Variants in TRIM16 observed in about 807,000 individuals in gnomAD.
TRIM16 encodes the protein tripartite motif-containing protein 16.
A neutral mutation model predicts 50.4 loss-of-function variants in TRIM16; 33 were observed. The observed-to-expected ratio is 0.65, with a 90% CI of 0.50 to 0.88. The LOEUF (loss-of-function observed/expected upper bound fraction) is 0.88, where lower values mean the gene tolerates loss of function less well. TRIM16 is among the 40% of genes least tolerant of loss of function. TRIM16 has a pLI of 0.00. For missense variants in TRIM16, 581 were observed against 686.8 expected, an observed-to-expected ratio of 0.85 and a Z score of 1.72; for synonymous variants, 229 against 270.7, an observed-to-expected ratio of 0.85 and a Z score of 1.51.
rs1292545200 is a variant in TRIM16, at chr17:15,634,989, A to G, written c.849+1047T>C. 2.0e-5 allele frequency among the ~76,000 whole-genome samples: 3 copies of G among 149,264 alleles called. 1 individual carries two copies. The highest frequency in any genetic ancestry group is 4.5e-5 in the Non-Finnish European group (3 of 67,212). ...TACTGAAAAGCAAAGAAACTGACAG[A>G]CGCTTTGTTGGTGTTTTTGTCTGTC... is the stretch of plus-strand genomic sequence containing the variant. On this transcript the variant is annotated intron_variant, in intron 9 of 11. Coordinates refer to ENST00000649191, the MANE Select transcript of TRIM16 (RefSeq NM_001348119.1).
chr17:15,662,589 C>T (rs535428201), intron 6 of TRIM16, among the ~76,000 whole-genome samples: 6 of 152,302 alleles, frequency 3.9e-5, no homozygotes, highest in Admixed American at 6.5e-5. Flanking sequence ...TAGCACAAAG[C>T]TATTATTTTC....
At chr17:15,650,926 C>T (rs1258772115) in intron 7 of TRIM16, among the ~76,000 whole-genome samples, 165 bp downstream of exon 7, 1 of 152,160 alleles carries the variant, frequency 6.6e-6, no homozygotes, top group East Asian at 1.9e-4. Context: ...AAACCAAGTG[C>T]AATGTATATT....
chr17:15,643,844 AGT>A (rs1987227203), intron 7 of TRIM16, among the ~76,000 whole-genome samples: 1 of 152,234 alleles, frequency 6.6e-6, no homozygotes, highest in Non-Finnish European at 1.5e-5. Flanking sequence ...CCAAGTGGGA[AGT>A]CTACATTTTT....
rs777247496 is a variant in TRIM16, at chr17:15,677,620, A to G, written c.-488T>C. 11 of 1,052,092 alleles carry G rather than the reference A, an allele frequency of 1.0e-5. No individual in the cohort carries two copies. Among genetic ancestry groups the G allele is most frequent in the Non-Finnish European group, 9.3e-6 (8 of 862,806 alleles). The allele number at this position is 1,052,092 out of a possible 1,614,324, so 65.2% of individuals were successfully genotyped here. ...TAGTTCTCCAGCATTACATCCCTGT[A>G]CAAGACTCTCTGAGCAAGGTCCAGT... On this transcript the variant is annotated 5_prime_UTR_variant, in exon 5 of 12. Coordinates refer to ENST00000649191, the MANE Select transcript of TRIM16 (RefSeq NM_001348119.1).
At chr17:15,644,211 A>C (rs1376853994) in intron 7 of TRIM16, among the ~76,000 whole-genome samples, 2 of 152,066 alleles carry the variant, frequency 1.3e-5, no homozygotes, top group African/African-American at 4.8e-5. Context: ...TTTGAGATGG[A>C]GTCTCGCTCT....
At chr17:15,659,530 C>G (rs372116579) in intron 6 of TRIM16, among the ~76,000 whole-genome samples, 41 of 152,318 alleles carry the variant, frequency 2.7e-4, no homozygotes, top group African/African-American at 8.7e-4. Context: ...TTGAACTATG[C>G]TTTGTTGAAT....
At chr17:15,631,379 CTGAG>C (rs1260627237) in intron 11 of TRIM16, among the ~76,000 whole-genome samples, 4 of 152,130 alleles carry the variant, frequency 2.6e-5, no homozygotes, top group Non-Finnish European at 5.9e-5. Flanking sequence ...TTAGGAGAAA[CTGAG>C]TGAAAGATAT....
In TRIM16 at chr17:15,651,556, C is replaced by T; in HGVS notation, c.54G>A (p.Gln18=). ...AGTCTGGGCTGAGAGGGGCTGGGGG[C>T]TGAGCAGTGGCCCTGGGCAGTGGCC... ...APGPLPRATA[Q]PPAPLSPDSG... is the part of the protein sequence containing the mutation. Residue 18 remains glutamine, a synonymous_variant, in exon 7 of 12, where the codon CAG becomes CAA. Transcript: ENST00000649191. 10 of 1,613,994 alleles carry T rather than the reference C, an allele frequency of 6.2e-6. No homozygotes were observed. The highest frequency in any genetic ancestry group is 7.6e-6 in the Non-Finnish European group (9 of 1,179,922).
At position 15,632,177 on chromosome 17, in the gene TRIM16, T is replaced by A. The variant is rs542407720; in HGVS notation, c.1015+332A>T. 7 of 261,316 alleles carry A rather than the reference T, an allele frequency of 2.7e-5. No homozygotes were observed. In the South Asian group the frequency reaches 3.3e-4, roughly 12 times the overall value. The allele number at this position is 261,316 out of a possible 1,614,324, so 16.2% of individuals were successfully genotyped here. ...GCTGAGGTGGGCAGATCATTTGAGG[T>A]CAGGAGTTCGAGACCAGCCTGACCA... is the stretch of plus-strand genomic sequence containing the variant. On this transcript the variant is annotated intron_variant, in intron 10 of 11. Coordinates refer to ENST00000649191, the MANE Select transcript of TRIM16 (RefSeq NM_001348119.1).
intron 6 of TRIM16, among the ~76,000 whole-genome samples, chr17:15,669,368 AT>A (rs1271404571): frequency 2.0e-5 from 3 of 152,066 alleles, no homozygotes; most frequent in Admixed American, 2.0e-4. Flanking sequence ...ATTTAAAAAA[AT>A]GAGATACCTC....
At chr17:15,645,270 A>G (rs1049065515) in intron 7 of TRIM16, among the ~76,000 whole-genome samples, 14 of 152,186 alleles carry the variant, frequency 9.2e-5, no homozygotes, top group Non-Finnish European at 1.5e-5. Context: ...GACATTATTA[A>G]TGAGCTCCAT....
chr17:15,642,241 T>C (rs1280983215), intron 8 of TRIM16, among the ~76,000 whole-genome samples: 1 of 149,198 alleles, frequency 6.7e-6, no homozygotes, highest in Non-Finnish European at 1.5e-5. Flanking sequence ...ATTTACTGCC[T>C]ACTTAGCCTG....
chr17:15,682,251 G>C (rs1469707057), intron 3 of TRIM16, among the ~76,000 whole-genome samples: 2 of 151,842 alleles, frequency 1.3e-5, no homozygotes, highest in Non-Finnish European at 2.9e-5. Context: ...GTTTTACGAG[G>C]AAAAAAAGGT....
At chr17:15,656,229 CCA>C (rs1987974405) in intron 6 of TRIM16, among the ~76,000 whole-genome samples, 1 of 152,066 alleles carries the variant, frequency 6.6e-6, no homozygotes, top group Non-Finnish European at 1.5e-5. Flanking sequence ...TCTCAAATGC[CCA>C]TGCTCAAACC....
intron 6 of TRIM16, among the ~76,000 whole-genome samples, chr17:15,672,475 AG>A (rs1286178344): frequency 6.6e-6 from 1 of 151,280 alleles, no homozygotes; most frequent in Non-Finnish European, 1.5e-5. Flanking sequence ...GGCTCATGCC[AG>A]TAATGCCAGC....
rs150421874 is a variant in TRIM16 at position 15,677,112 on chromosome 17, G to C, written c.-338+64C>G. 5,110 of 952,994 alleles carry C rather than the reference G, an allele frequency of 5.4e-3. 211 individuals carry two copies. The African/African-American group carries it at 0.083, about 16-fold the overall frequency. The allele number at this position is 952,994 out of a possible 1,614,324, so 59.0% of individuals were successfully genotyped here. On this transcript the variant is annotated intron_variant, in intron 6 of 11. Coordinates refer to ENST00000649191, the MANE Select transcript of TRIM16 (RefSeq NM_001348119.1). ...GGATTCAACATTTTCTACAGGCCCG[G>C]AGGATTTGGGAAGAACCCCTAACTC... is the stretch of plus-strand genomic sequence containing the variant.
At chr17:15,646,776 G>C (rs1258109972) in intron 7 of TRIM16, among the ~76,000 whole-genome samples, 1 of 151,950 alleles carries the variant, frequency 6.6e-6, no homozygotes, top group Non-Finnish European at 1.5e-5. Flanking sequence ...AGAGAAGGAA[G>C]AACTAGAGTC....
At chr17:15,656,840 C>A (rs1414545045) in intron 6 of TRIM16, among the ~76,000 whole-genome samples, 4 of 152,068 alleles carry the variant, frequency 2.6e-5, no homozygotes. Context: ...GCAGCCTCAA[C>A]CTCCCAGGCT....
In TRIM16 at chr17:15,651,648, C is replaced by T; in HGVS notation, c.-39G>A. 1.9e-6 allele frequency: 3 copies of T among 1,594,806 alleles called. No individual in the cohort carries two copies. The highest frequency in any genetic ancestry group is 2.6e-6 in the Non-Finnish European group (3 of 1,171,310). ...CTCCTAGGCTGTCTTTCTTCTGTCC[C>T]TTGGCCCAGGATCTGTGCAGCCCAA... On this transcript the variant is annotated 5_prime_UTR_variant, in exon 7 of 12. Coordinates refer to ENST00000649191, the MANE Select transcript of TRIM16 (RefSeq NM_001348119.1).
Sources: allele counts gnomAD v4.1 joint callset (sites outside exome capture counted in the v4.1 genomes callset), GRCh38; gene constraint gnomAD v4.1.1; transcripts MANE v1.5; gene names NCBI Gene and HGNC (gene_info 2026-07-23, HGNC 2026-07-21).